The following GRM8 variants were observed in gnomAD, a reference collection of about 807,000 sequenced individuals.
The protein encoded by GRM8 is metabotropic glutamate receptor 8.
A neutral mutation model predicts 87.2 loss-of-function variants in GRM8; 47 were observed. That is an observed-to-expected ratio of 0.54 (90% CI 0.43 to 0.69). The LOEUF (loss-of-function observed/expected upper bound fraction) is 0.69, where lower values mean the gene tolerates loss of function less well. Ranked by LOEUF, GRM8 falls within the 30% of genes least tolerant of loss-of-function variation. GRM8 has a pLI of 0.00. For missense variants in GRM8, 1,019 were observed against 1,139.2 expected (o/e 0.89, Z 1.52); for synonymous variants, 396 against 404.5 (o/e 0.98, Z 0.25).
At chr7:126,761,005 T>C (rs753579015) in intron 7 of GRM8, among the ~76,000 whole-genome samples, 3 of 152,110 alleles carry the variant, frequency 2.0e-5, no homozygotes, top group Non-Finnish European at 2.9e-5. Flanking sequence ...GAGACCAGCC[T>C]AGGCAACGTG....
intron 7 of GRM8, among the ~76,000 whole-genome samples, chr7:126,663,914 C>T (rs950654967): frequency 1.3e-5 from 2 of 152,158 alleles, no homozygotes; most frequent in Non-Finnish European, 2.9e-5. Context: ...CACCAAAAGG[C>T]TCCTATTCTG....
chr7:127,149,618 T>G (rs1177683856), intron 2 of GRM8, among the ~76,000 whole-genome samples: 1 of 152,144 alleles, frequency 6.6e-6, no homozygotes, highest in Non-Finnish European at 1.5e-5. Flanking sequence ...ACTCCCATGT[T>G]CATTGCAGCA....
At chr7:126,441,919 T>G (rs572823321) in intron 10 of GRM8, among the ~76,000 whole-genome samples, 1 of 152,206 alleles carries the variant, frequency 6.6e-6, no homozygotes, top group East Asian at 1.9e-4. Context: ...TTGCTTATCC[T>G]TCTAGGTTAT....
At chr7:127,179,323 C>T (rs1372707906) in intron 2 of GRM8, among the ~76,000 whole-genome samples, 3 of 152,070 alleles carry the variant, frequency 2.0e-5, no homozygotes, top group Non-Finnish European at 4.4e-5. Context: ...AACATATATG[C>T]ACCTAACACT....
At chr7:126,929,050 A>G (rs1225648640) in intron 3 of GRM8, among the ~76,000 whole-genome samples, 1 of 152,192 alleles carries the variant, frequency 6.6e-6, no homozygotes, top group Non-Finnish European at 1.5e-5. Context: ...ACACATACTC[A>G]GTATGGAAGG....
At chr7:126,467,421 G>T (rs1057023120) in intron 9 of GRM8, among the ~76,000 whole-genome samples, 1 of 151,918 alleles carries the variant, frequency 6.6e-6, no homozygotes, top group African/African-American at 2.4e-5. Context: ...AAAAAGAACA[G>T]ATATCGAAGG....
chr7:126,627,366 C>T, intron 7 of GRM8, among the ~76,000 whole-genome samples: 1 of 152,316 alleles, frequency 6.6e-6, no homozygotes, highest in Middle Eastern at 3.4e-3. Flanking sequence ...TGTCCTACAG[C>T]AGTAAATTAT....
intron 6 of GRM8, among the ~76,000 whole-genome samples, chr7:126,790,013 C>CT (rs566817323): frequency 0.023 from 3,329 of 146,044 alleles, 114 homozygotes; most frequent in African/African-American, 0.071. Flanking sequence ...TTCTCTCTCT[C>CT]TTTTTTTTTT....
rs144643797 is a variant in GRM8, at chr7:126,541,525, AT to A, written c.1495-7639del. ...GATCTTCCATAGGGATATAGCCAGG[AT>A]AAAGATGATGAGTCACGTTTTAGAA... On this transcript the variant is annotated intron_variant, in intron 8 of 10. Coordinates refer to ENST00000339582, the MANE Select transcript of GRM8 (RefSeq NM_000845.3). Among the ~76,000 whole-genome samples, 222 of 152,268 alleles carry A rather than the reference AT, an allele frequency of 1.5e-3. 3 individuals carry two copies. In the East Asian group the frequency reaches 0.024, roughly 16 times the overall value.
At chr7:127,079,414 G>A (rs915074794) in intron 3 of GRM8, among the ~76,000 whole-genome samples, 2 of 152,120 alleles carry the variant, frequency 1.3e-5, no homozygotes, top group South Asian at 2.1e-4. Flanking sequence ...GAGCCACCAC[G>A]CCCAGCCGTG....
intron 7 of GRM8, among the ~76,000 whole-genome samples, chr7:126,727,704 TAC>T (rs3038844): frequency 0.078 from 11,103 of 141,522 alleles, 507 homozygotes; most frequent in East Asian, 0.21. Context: ...TCTGAAATCA[TAC>T]ACACACACAC....
intron 7 of GRM8, among the ~76,000 whole-genome samples, chr7:126,610,017 T>G (rs1798757551): frequency 6.6e-6 from 1 of 152,158 alleles, no homozygotes; most frequent in Non-Finnish European, 1.5e-5. Flanking sequence ...ATCAATGTGG[T>G]CTACTGTTGG....
intron 7 of GRM8, among the ~76,000 whole-genome samples, chr7:126,729,692 A>G (rs909564651): frequency 6.6e-6 from 1 of 152,152 alleles, no homozygotes; most frequent in Non-Finnish European, 1.5e-5. Context: ...GTATGTGATT[A>G]CCTTGTGTCA....
intron 7 of GRM8, among the ~76,000 whole-genome samples, chr7:126,616,183 C>T (rs1364754289): frequency 6.6e-6 from 1 of 152,190 alleles, no homozygotes; most frequent in African/African-American, 2.4e-5. Flanking sequence ...ATCTCTCAGA[C>T]CACAGTGCAA....
chr7:126,825,673 A>G (rs1046106447), intron 6 of GRM8, among the ~76,000 whole-genome samples: 1 of 152,240 alleles, frequency 6.6e-6, no homozygotes, highest in Admixed American at 6.5e-5. Context: ...TTGACAACTT[A>G]CAATATGAAA....
At chr7:126,495,861 G>T (rs1320929615) in intron 9 of GRM8, among the ~76,000 whole-genome samples, 2 of 151,922 alleles carry the variant, frequency 1.3e-5, no homozygotes, top group East Asian at 3.9e-4. Context: ...TTGTTGGCAA[G>T]GTGGCTAACG....
intron 3 of GRM8, among the ~76,000 whole-genome samples, chr7:127,071,147 C>A (rs989938339): frequency 6.6e-6 from 1 of 152,092 alleles, no homozygotes; most frequent in Admixed American, 6.5e-5. Flanking sequence ...AAAGTAACTT[C>A]TTAGACTTGA....
At chr7:127,014,396 G>A (rs1261644242) in intron 3 of GRM8, among the ~76,000 whole-genome samples, 1 of 152,084 alleles carries the variant, frequency 6.6e-6, no homozygotes, top group Non-Finnish European at 1.5e-5. Context: ...ATGATCTTCA[G>A]AATAGCCTTC....
rs113871229 is a variant in GRM8, at chr7:126,782,551, G to A, written c.1157-12486C>T. Among the ~76,000 whole-genome samples the A allele has an allele frequency of 2.0e-5, 3 of 152,116 alleles. No individual in the cohort carries two copies. The South Asian group carries it at 6.2e-4, about 32-fold the overall frequency. Reference sequence around the variant, plus strand: ...ATGAAAATAAATGAATAACAAGAAAGTATGAGTAATGGGCAGGTTCTCTCT... The same window carrying A: ...ATGAAAATAAATGAATAACAAGAAAATATGAGTAATGGGCAGGTTCTCTCT... On this transcript the variant is annotated intron_variant, in intron 6 of 10. Transcript: ENST00000339582.
Sources: allele counts gnomAD v4.1 joint callset (sites outside exome capture counted in the v4.1 genomes callset), GRCh38; gene constraint gnomAD v4.1.1; transcripts MANE v1.5; gene names NCBI Gene and HGNC (gene_info 2026-07-23, HGNC 2026-07-21).